Variants in BCOR observed in about 807,000 individuals in gnomAD.
The protein encoded by BCOR is BCL6 corepressor.
BCOR carries 10 observed loss-of-function variants against 86.7 expected under a neutral mutation model. That is an observed-to-expected ratio of 0.12 (90% CI 0.07 to 0.20). BCOR has a LOEUF of 0.20. BCOR is among the 10% of genes least tolerant of loss of function. The pLI, the probability that BCOR is intolerant of heterozygous loss-of-function variation, is 1.00. For synonymous variants in BCOR, 611 were observed against 609.0 expected (o/e 1.00, Z -0.05); for missense variants, 1,259 against 1,452.1 (o/e 0.87, Z 2.16).
intron 1 of BCOR, among the ~76,000 whole-genome samples, chrX:40,106,739 G>C (rs1457435827): frequency 8.9e-6 from 1 of 112,796 alleles, no homozygotes; most frequent in Non-Finnish European, 1.9e-5. Flanking sequence ...CCGAGCTCTC[G>C]TTAAACCAAA....
intron 1 of BCOR, among the ~76,000 whole-genome samples, chrX:40,161,021 A>G (rs1398170135): frequency 1.0e-5 from 1 of 99,210 alleles, no homozygotes; most frequent in African/African-American, 3.7e-5. Flanking sequence ...ATATTTTTTG[A>G]GACAGGGTCT....
intron 1 of BCOR, among the ~76,000 whole-genome samples, chrX:40,085,182 GA>G (rs943717366): frequency 8.9e-6 from 1 of 112,986 alleles, no homozygotes; most frequent in African/African-American, 3.2e-5. Context: ...CTCGGAGCAC[GA>G]TAACAAGTGA....
intron 1 of BCOR, among the ~76,000 whole-genome samples, chrX:40,159,631 T>C (rs1342053133): frequency 8.9e-6 from 1 of 111,899 alleles, no homozygotes; most frequent in East Asian, 2.8e-4. Flanking sequence ...ATTACAGGCG[T>C]GAGCCACCGC....
intron 1 of BCOR, among the ~76,000 whole-genome samples, chrX:40,139,497 A>ATAT (rs1239084755): frequency 7.0e-4 from 4 of 5,709 alleles, no homozygotes; most frequent in South Asian, 0.02. Flanking sequence ...ATATATATAT[A>ATAT]TTTTTTTTTT....
At chrX:40,071,299 A>G (rs911216351) in intron 5 of BCOR, 140 bp from the exon 6 acceptor site, 13 of 602,413 alleles carry the variant, frequency 2.2e-5, no homozygotes, top group Non-Finnish European at 3.3e-5. Flanking sequence ...TAACTCAGAT[A>G]TTTTAAAGTT....
At chrX:40,054,207 C>T in intron 13 of BCOR, 49 bp downstream of exon 13, 2 of 1,153,927 alleles carry the variant, frequency 1.7e-6, no homozygotes, top group Non-Finnish European at 2.4e-6. Context: ...CAGAAATGGA[C>T]TTGAACTTGT....
At chrX:40,104,943 G>A (rs1937144117) in intron 1 of BCOR, among the ~76,000 whole-genome samples, 1 of 110,991 alleles carries the variant, frequency 9.0e-6, no homozygotes, top group Non-Finnish European at 1.9e-5. Context: ...AGGGTGCGGG[G>A]CCGCAGCGAG....
chrX:40,110,007 TTCTC>T (rs1237988795), intron 1 of BCOR, among the ~76,000 whole-genome samples: 1 of 112,307 alleles, frequency 8.9e-6, no homozygotes, highest in East Asian at 2.8e-4. Context: ...CTTTTGTGTG[TTCTC>T]TCTCTCTTCC....
intron 1 of BCOR, among the ~76,000 whole-genome samples, chrX:40,094,526 G>A (rs1254487365): frequency 8.8e-6 from 1 of 113,214 alleles, no homozygotes; most frequent in African/African-American, 3.2e-5. Flanking sequence ...TCACAGCTCC[G>A]CGCGCTGGGC....
Position 40,135,626 on chromosome X carries a change from G to A in BCOR, c.-41+41381C>T, listed in dbSNP as rs760227901. ...GCCAGTCTCGAACTCCTGACCTCAG[G>A]TAATCTGCCTGCCTCGGCCTCCGAA... On this transcript the variant is annotated intron_variant, in intron 1 of 14. Coordinates refer to the BCOR transcript ENST00000342274. 6.3e-5 allele frequency among the ~76,000 whole-genome samples: 7 copies of A among 111,225 alleles called. No homozygotes were observed. The South Asian group carries it at 2.6e-3, about 42-fold the overall frequency.
chrX:40,104,793 C>G (rs1407262554), intron 1 of BCOR, among the ~76,000 whole-genome samples: 1 of 113,105 alleles, frequency 8.8e-6, no homozygotes, highest in Non-Finnish European at 1.9e-5. Flanking sequence ...AAAAGCTTGG[C>G]CGCGGTCTAA....
chrX:40,155,538 C>T (rs1309018337), intron 1 of BCOR, among the ~76,000 whole-genome samples: 2 of 110,525 alleles, frequency 1.8e-5, no homozygotes, highest in Non-Finnish European at 3.8e-5. Flanking sequence ...CCTCACCCAG[C>T]CAACAGCCCA....
intron 3 of BCOR, 133 bp from the exon 4 acceptor site, chrX:40,075,313 C>CGG: frequency 3.7e-5 from 3 of 81,838 alleles, no homozygotes; most frequent in Non-Finnish European, 6.6e-5. Context: ...AGGCTTCCGG[C>CGG]GGGGCGGGGG....
At position 40,063,643 on chromosome X, in the gene BCOR, G is replaced by C. The variant is rs892857458; in HGVS notation, c.3812C>G (p.Ser1271Trp). 8.3e-7 allele frequency: 1 copy of C among 1,211,402 alleles called. No individual in the cohort carries two copies. Among genetic ancestry groups the C allele is most frequent in the Non-Finnish European group, 1.1e-6 (1 of 895,223 alleles). The change falls in exon 8 of 15, where the codon TCG (serine) becomes TGG (tryptophan). Residue 1271 changes from serine (S) to tryptophan (W), a missense_variant. Physicochemically the swap from Ser to Trp is radical, Grantham distance 177. Coordinates refer to ENST00000378444, the MANE Select transcript of BCOR (RefSeq NM_001123385.2). ...RAEAKGNRSW[S>W]EESLKPSDNE... is the part of the protein sequence containing the mutation. ...GTCACTGGGTTTAAGAGACTCTTCC[G>C]ACCAGCTTCTGTTGCCTTTGGCCTC...
chrX:40,173,179 C>A (rs1172938330), intron 1 of BCOR, among the ~76,000 whole-genome samples: 2 of 112,048 alleles, frequency 1.8e-5, no homozygotes, highest in African/African-American at 6.5e-5. Flanking sequence ...GGCAACACAG[C>A]CCTATTTCTC....
intron 8 of BCOR, among the ~76,000 whole-genome samples, chrX:40,063,302 C>T (rs1366645834): frequency 8.9e-6 from 1 of 112,640 alleles, no homozygotes; most frequent in Non-Finnish European, 1.9e-5. Flanking sequence ...TGGCAAGTTG[C>T]TTCAAAGGGC....
chrX:40,133,178 C>T, intron 1 of BCOR, among the ~76,000 whole-genome samples: 1 of 102,455 alleles, frequency 9.8e-6, no homozygotes, highest in East Asian at 3.0e-4. Context: ...CGCTCTGTCG[C>T]CCAGACTGGA....
intron 1 of BCOR, among the ~76,000 whole-genome samples, chrX:40,105,839 T>C (rs984494766): frequency 1.3e-4 from 15 of 112,433 alleles, no homozygotes; most frequent in African/African-American, 4.5e-4. Flanking sequence ...CTTTCGAAGG[T>C]CGAAGGGCCG....
intron 14 of BCOR, 142 bp from the exon 15 acceptor site, chrX:40,052,542 C>G: frequency 2.4e-6 from 1 of 421,275 alleles, no homozygotes; most frequent in South Asian, 4.4e-5. Flanking sequence ...ACCATACCTA[C>G]TCTCTGATCA....
Sources: gnomAD v4.1 joint callset for allele counts (sites outside exome capture counted in the v4.1 genomes callset) on GRCh38, gnomAD v4.1.1 for gene constraint, MANE v1.5 for transcripts, NCBI Gene and HGNC (gene_info 2026-07-23, HGNC 2026-07-21) for gene names.